KAZN: variants seen among roughly 807,000 people sequenced by gnomAD.
The protein encoded by KAZN is kazrin.
KAZN carries 40 observed loss-of-function variants against 87.4 expected under a neutral mutation model. The ratio of observed to expected loss-of-function variants is 0.46; its 90% CI spans 0.36 to 0.60. KAZN has a LOEUF of 0.60. Ranked by LOEUF, KAZN falls within the 20% of genes least tolerant of loss-of-function variation. The pLI is 0.00. For synonymous variants in KAZN, 466 were observed against 458.3 expected, an observed-to-expected ratio of 1.02 and a Z score of -0.22; for missense variants, 898 against 1,073.9, an observed-to-expected ratio of 0.84 and a Z score of 2.29.
intron 1 of KAZN, among the ~76,000 whole-genome samples, chr1:14,717,116 T>G (rs766152742): frequency 2.0e-5 from 3 of 150,762 alleles, no homozygotes; most frequent in Admixed American, 6.6e-5. Flanking sequence ...CTGATTTATC[T>G]GTGTCGTCCT....
intron 1 of KAZN, among the ~76,000 whole-genome samples, chr1:14,758,908 GA>G (rs34433134): frequency 1.7e-4 from 25 of 147,674 alleles, no homozygotes; most frequent in African/African-American, 3.0e-4. Context: ...TTTGAATCCA[GA>G]AAAAAAAAAA....
rs147063463 is a variant in KAZN, at chr1:14,674,786, T to TCTTTC, written c.226+75567_226+75568insCCTTT. Among the ~76,000 whole-genome samples, 621 of 152,232 alleles carry TCTTTC rather than the reference T, an allele frequency of 4.1e-3. 18 individuals are homozygous for TCTTTC. The East Asian group carries it at 0.063, about 15-fold the overall frequency. The stretch of plus-strand genomic sequence containing the variant: ...AATGCAATTTTATCTTGTTTTCTTT[T>TCTTTC]CTTTTCTTTTCTTTTTTTTTAAGAC... On this transcript the variant is annotated intron_variant, in intron 1 of 14. Coordinates refer to ENST00000376030, the MANE Select transcript of KAZN (RefSeq NM_201628.3).
At chr1:14,572,747 C>G (rs1674948031) in intron 2 of KAZN, among the ~76,000 whole-genome samples, 1 of 152,140 alleles carries the variant, frequency 6.6e-6, no homozygotes, top group African/African-American at 2.4e-5. Flanking sequence ...GAGCGGCCCC[C>G]CACTCCCCTG....
At chr1:15,110,549 T>TTGTGTGTGTGTGTGTGTGTGTGTG (rs71000365) in intron 13 of KAZN, among the ~76,000 whole-genome samples, 33 of 148,076 alleles carry the variant, frequency 2.2e-4, no homozygotes, top group African/African-American at 6.9e-4. Flanking sequence ...GCATATGTGT[T>TTGTGTGTGTGTGTGTGTGTGTGTG]TGTGTGTGTG....
rs372767403 is a variant in KAZN, at chr1:14,862,438, A to C, written c.227-98246A>C. Among the ~76,000 whole-genome samples the C allele has an allele frequency of 1.2e-4, 19 of 152,204 alleles. No homozygotes were observed. The East Asian group carries it at 1.7e-3, about 14-fold the overall frequency. The stretch of plus-strand genomic sequence containing the variant: ...ATCCCAGTGCACCTCCAATCAATTG[A>C]GCTCCTGTTCCAATCACACCTGGTA... On this transcript the variant is annotated intron_variant, in intron 1 of 14. Transcript: ENST00000376030.
At chr1:14,388,594 C>G (rs988613959) in intron 2 of KAZN, among the ~76,000 whole-genome samples, 1 of 152,018 alleles carries the variant, frequency 6.6e-6, no homozygotes. Flanking sequence ...AGAGCATACA[C>G]TGGGAAAAAA....
At chr1:14,929,776 G>A (rs1659597510) in intron 1 of KAZN, 29 of 985,426 alleles carry the variant, frequency 2.9e-5, no homozygotes, top group South Asian at 4.7e-5. Context: ...CTTATGTTGC[G>A]GGTGCCAGAT....
intron 2 of KAZN, among the ~76,000 whole-genome samples, chr1:14,999,508 G>GCC (rs1266859575): frequency 5.5e-5 from 3 of 54,322 alleles, no homozygotes; most frequent in African/African-American, 2.5e-4. Flanking sequence ...CCCTCCCCCC[G>GCC]CCCCGCCATC....
chr1:13,900,268 C>T (rs1639200683), intron 1 of KAZN, among the ~76,000 whole-genome samples: 1 of 152,100 alleles, frequency 6.6e-6, no homozygotes, highest in Admixed American at 6.5e-5. Flanking sequence ...GAAAGAGACA[C>T]ATGTGAGGCA....
rs542575680 is a variant in KAZN, at chr1:14,121,319, G to C, written c.92-59116G>C. Among the ~76,000 whole-genome samples the C allele has an allele frequency of 2.6e-5, 4 of 152,314 alleles. No individual in the cohort carries two copies. The South Asian group carries it at 8.3e-4, about 32-fold the overall frequency. On this transcript the variant is annotated intron_variant, in intron 1 of 16. Coordinates refer to the KAZN transcript ENST00000636203. Reference sequence around the variant, plus strand: ...CTCATCACTACGGTGAATGAAGCCTGATATTCTGTTTTACCATATACCAAC... The same window carrying C: ...CTCATCACTACGGTGAATGAAGCCTCATATTCTGTTTTACCATATACCAAC...
chr1:14,219,210 A>T (rs761880856), intron 2 of KAZN, among the ~76,000 whole-genome samples: 1 of 152,146 alleles, frequency 6.6e-6, no homozygotes, highest in Non-Finnish European at 1.5e-5. Context: ...ATCAGGTGAT[A>T]AAACTGTAAA....
At chr1:13,961,939 G>A (rs1641768128) in intron 1 of KAZN, among the ~76,000 whole-genome samples, 1 of 152,184 alleles carries the variant, frequency 6.6e-6, no homozygotes, top group African/African-American at 2.4e-5. Context: ...TGCACCCTCA[G>A]GGCCTTTGCA....
intron 2 of KAZN, among the ~76,000 whole-genome samples, chr1:14,441,517 A>G (rs1666704964): frequency 6.6e-6 from 1 of 152,192 alleles, no homozygotes; most frequent in African/African-American, 2.4e-5. Context: ...AGGCCCCTCA[A>G]GTCTTGAGAG....
chr1:14,033,761 C>G (rs1189191212), intron 1 of KAZN, among the ~76,000 whole-genome samples: 1 of 152,194 alleles, frequency 6.6e-6, no homozygotes, highest in African/African-American at 2.4e-5. Context: ...TACAAAACTT[C>G]TAGAAGCCCA....
chr1:14,247,773 G>C (rs1251592374), intron 2 of KAZN, among the ~76,000 whole-genome samples: 1 of 152,040 alleles, frequency 6.6e-6, no homozygotes, highest in Non-Finnish European at 1.5e-5. Flanking sequence ...GTTCATGAAA[G>C]TGAGAAACGT....
intron 2 of KAZN, among the ~76,000 whole-genome samples, chr1:14,303,797 TTC>T (rs1654732455): frequency 6.6e-6 from 1 of 152,214 alleles, no homozygotes; most frequent in Non-Finnish European, 1.5e-5. Flanking sequence ...TTCATTTGCT[TTC>T]TTTTTTATGA....
intron 1 of KAZN, among the ~76,000 whole-genome samples, chr1:14,054,960 T>A (rs1429042554): frequency 6.6e-6 from 1 of 152,188 alleles, no homozygotes; most frequent in Non-Finnish European, 1.5e-5. Flanking sequence ...TTGGGCCAGG[T>A]AGTTCTTTGC....
chr1:14,940,685 C>T (rs1201620918), intron 1 of KAZN, among the ~76,000 whole-genome samples: 3 of 152,054 alleles, frequency 2.0e-5, no homozygotes, highest in South Asian at 4.1e-4. Flanking sequence ...AAGAATGTTC[C>T]CCGGGCTGAG....
At chr1:14,097,459 G>C (rs1025843667) in intron 1 of KAZN, among the ~76,000 whole-genome samples, 1 of 152,192 alleles carries the variant, frequency 6.6e-6, no homozygotes, top group South Asian at 2.1e-4. Context: ...CTGGACCATA[G>C]AGTGACCTTT....
Sources: gnomAD v4.1 joint callset for allele counts (sites outside exome capture counted in the v4.1 genomes callset) on GRCh38, gnomAD v4.1.1 for gene constraint, MANE v1.5 for transcripts, NCBI Gene and HGNC (gene_info 2026-07-23, HGNC 2026-07-21) for gene names.